Variants in PTPN12 observed in about 807,000 individuals in gnomAD.
PTPN12 encodes the protein protein tyrosine phosphatase non-receptor type 12, also known as tyrosine-protein phosphatase non-receptor type 12.
In PTPN12, 29 loss-of-function variants were observed where a neutral mutation model predicts 97.6. The ratio of observed to expected loss-of-function variants is 0.30; its 90% confidence interval spans 0.22 to 0.41. The LOEUF is 0.41. PTPN12 is among the 10% of genes least tolerant of loss of function. PTPN12 has a pLI of 1.00. For missense variants in PTPN12, 819 were observed against 926.0 expected, an observed-to-expected ratio of 0.88 and a Z score of 1.50; for synonymous variants, 327 against 300.4, an observed-to-expected ratio of 1.09 and a Z score of -0.91.
rs576576454 is a variant in PTPN12, at chr7:77,583,032, G to T, written c.286-523G>T. 5.9e-5 allele frequency among the ~76,000 whole-genome samples: 9 copies of T among 152,182 alleles called. No individual in the cohort carries two copies. In the South Asian group the frequency reaches 1.9e-3, roughly 32 times the overall value. On this transcript the variant is annotated intron_variant, in intron 3 of 17. Coordinates refer to ENST00000248594, the MANE Select transcript of PTPN12 (RefSeq NM_002835.4). The stretch of plus-strand genomic sequence containing the variant: ...TGACACTGATTCATTGTATGAGTCA[G>T]TTATGTACCAGTTTAGTATTTTAGT...
chr7:77,611,250 G>A (rs1399459108), intron 11 of PTPN12, among the ~76,000 whole-genome samples: 5 of 152,104 alleles, frequency 3.3e-5, no homozygotes, highest in Non-Finnish European at 7.4e-5. Flanking sequence ...GGTAAATTAT[G>A]TTCTAAATGA....
intron 2 of PTPN12, among the ~76,000 whole-genome samples, chr7:77,574,481 G>T (rs577577142): frequency 1.3e-5 from 2 of 152,174 alleles, no homozygotes; most frequent in Non-Finnish European, 2.9e-5. Flanking sequence ...AACACAGGCG[G>T]TTTTAAAGCC....
chr7:77,612,770 GT>G, intron 11 of PTPN12, among the ~76,000 whole-genome samples: 1 of 149,592 alleles, frequency 6.7e-6, no homozygotes, highest in African/African-American at 2.5e-5. Flanking sequence ...TGTTTGATTG[GT>G]TTTTTTTGTT....
chr7:77,542,811 T>C (rs1807042128), intron 1 of PTPN12, among the ~76,000 whole-genome samples: 1 of 152,120 alleles, frequency 6.6e-6, no homozygotes, highest in Non-Finnish European at 1.5e-5. Context: ...AAAACTGCGG[T>C]GCCTCTGAGA....
At chr7:77,571,653 T>C (rs925222708) in intron 2 of PTPN12, among the ~76,000 whole-genome samples, 1 of 152,174 alleles carries the variant, frequency 6.6e-6, no homozygotes, top group African/African-American at 2.4e-5. Context: ...TATGTGCCTC[T>C]AAGTATATGT....
At chr7:77,621,401 C>T (rs1303527652) in intron 12 of PTPN12, among the ~76,000 whole-genome samples, 1 of 151,644 alleles carries the variant, frequency 6.6e-6, no homozygotes, top group Non-Finnish European at 1.5e-5. Flanking sequence ...AAGTACGTGG[C>T]CAGGCGCCTG....
intron 12 of PTPN12, among the ~76,000 whole-genome samples, chr7:77,624,631 G>T (rs559775131): frequency 2.6e-5 from 4 of 151,480 alleles, no homozygotes; most frequent in Admixed American, 2.0e-4. Context: ...AGTAGAGACG[G>T]GGTTTTGCCA....
chr7:77,540,647 CT>C (rs77085606), intron 1 of PTPN12, among the ~76,000 whole-genome samples: 20,502 of 138,746 alleles, frequency 0.15, 1,451 homozygotes, highest in African/African-American at 0.21. Flanking sequence ...TTTTATAGGG[CT>C]TTTTTTTTTT....
intron 8 of PTPN12, among the ~76,000 whole-genome samples, chr7:77,603,475 C>T (rs1459796069): frequency 2.0e-5 from 3 of 152,164 alleles, no homozygotes; most frequent in Non-Finnish European, 2.9e-5. Context: ...TGTATGTGTA[C>T]ATACAGTATT....
chr7:77,563,728 T>C (rs1340414107), intron 1 of PTPN12, among the ~76,000 whole-genome samples: 1 of 152,038 alleles, frequency 6.6e-6, no homozygotes, highest in African/African-American at 2.4e-5. Context: ...TAGCCATGCA[T>C]TTCTGAAAAA....
intron 5 of PTPN12, among the ~76,000 whole-genome samples, chr7:77,587,839 T>C (rs959434959): frequency 2.0e-5 from 3 of 152,260 alleles, no homozygotes; most frequent in Admixed American, 6.5e-5. Context: ...AATCAGAATT[T>C]GGTGCTTCAT....
At chr7:77,575,325 A>ACACGCACG (rs72384879) in intron 2 of PTPN12, among the ~76,000 whole-genome samples, 1 of 151,238 alleles carries the variant, frequency 6.6e-6, no homozygotes, top group East Asian at 1.9e-4. Context: ...CTCAACACAC[A>ACACGCACG]CACGCACGCA....
intron 14 of PTPN12, among the ~76,000 whole-genome samples, chr7:77,632,712 T>A (rs1321736704): frequency 6.6e-6 from 1 of 152,098 alleles, no homozygotes; most frequent in Non-Finnish European, 1.5e-5. Flanking sequence ...ATCCTAGCAC[T>A]TTGGGAGGCC....
chr7:77,622,846 C>A (rs1045006598), intron 12 of PTPN12, among the ~76,000 whole-genome samples: 4 of 145,738 alleles, frequency 2.7e-5, no homozygotes, highest in South Asian at 2.1e-4. Flanking sequence ...TAAGGAACTC[C>A]ATTTTCCAAT....
rs528655697 is a variant in PTPN12, at chr7:77,585,522, C to A, written c.382-21C>A. The A allele has an allele frequency of 4.4e-6, 7 of 1,598,998 alleles. No individual in the cohort carries two copies. The South Asian group carries it at 5.5e-5, about 13-fold the overall frequency. ...TTTAACTGATACGTTCTTTATCTCA[C>A]TCCCCACCATCACTTTTTAGATCAT... On this transcript the variant is annotated intron_variant, in intron 4 of 17. Transcript: ENST00000248594.
chr7:77,632,813 T>C (rs923403077), intron 14 of PTPN12, among the ~76,000 whole-genome samples: 4 of 151,658 alleles, frequency 2.6e-5, no homozygotes, highest in Non-Finnish European at 5.9e-5. Flanking sequence ...AAAAATTAGC[T>C]GGGCATGGTG....
Position 77,627,298 on chromosome 7 carries a change from G to C in PTPN12, c.1619G>C (p.Gly540Ala). ...GGACATGTAACGTGGTCATTTCATG[G>C]ACCTGAAAATGCCATACCCATACCT... is the stretch of plus-strand genomic sequence containing the variant. Reference protein sequence around the residue: ...EKGHVTWSFHGPENAIPIPDL... With the variant: ...EKGHVTWSFHAPENAIPIPDL... The change falls in exon 13 of 18, where the codon GGA (glycine) becomes GCA (alanine). Residue 540 changes from glycine to alanine, a missense_variant. This residue lies in a region of PTPN12 where 607 missense variants were observed against 577.3 expected (regional missense o/e 1.05). Coordinates refer to ENST00000248594, the MANE Select transcript of PTPN12 (RefSeq NM_002835.4). 6.2e-7 allele frequency: 1 copy of C among 1,614,090 alleles called. No homozygotes were observed.
At chr7:77,539,338 T>C (rs2040323639) in intron 1 of PTPN12, among the ~76,000 whole-genome samples, 1 of 152,210 alleles carries the variant, frequency 6.6e-6, no homozygotes, top group Admixed American at 6.5e-5. Flanking sequence ...ACTTATTCCT[T>C]ATTAAAAATA....
intron 2 of PTPN12, among the ~76,000 whole-genome samples, chr7:77,576,210 TC>T (rs1407884733): frequency 3.9e-5 from 6 of 152,158 alleles, no homozygotes; most frequent in East Asian, 3.8e-4. Context: ...GATAGTTCAT[TC>T]CTTTTTGTTG....
Sources: allele counts gnomAD v4.1 joint callset (sites outside exome capture counted in the v4.1 genomes callset), GRCh38; gene constraint gnomAD v4.1.1; regional missense constraint gnomAD v4.1.1; transcripts MANE v1.5; gene names NCBI Gene and HGNC (gene_info 2026-07-23, HGNC 2026-07-21).